CNTNAP5: variants seen among roughly 807,000 people sequenced by gnomAD.
The protein encoded by CNTNAP5 is contactin associated protein family member 5, also known as contactin-associated protein-like 5.
In CNTNAP5, 72 loss-of-function variants were observed where a neutral mutation model predicts 150.2. The ratio of observed to expected loss-of-function variants is 0.48; its 90% CI spans 0.40 to 0.58. The LOEUF (loss-of-function observed/expected upper bound fraction) is 0.58, where lower values mean the gene tolerates loss of function less well. CNTNAP5 is among the 20% of genes least tolerant of loss of function. The probability of loss-of-function intolerance (pLI) is 0.00; values close to 1 mark genes in which losing one functional copy is unlikely to be tolerated. For missense variants in CNTNAP5, 1,636 were observed against 1,626.2 expected, an observed-to-expected ratio of 1.01 and a Z score of -0.10; for synonymous variants, 672 against 619.8, an observed-to-expected ratio of 1.08 and a Z score of -1.25.
chr2:124,907,362 T>C (rs1678558401), intron 22 of CNTNAP5, among the ~76,000 whole-genome samples: 1 of 151,932 alleles, frequency 6.6e-6, no homozygotes, highest in South Asian at 2.1e-4. Flanking sequence ...GGAGTTCTTA[T>C]GGAATGTTAG....
rs538084421 is a variant in CNTNAP5 at position 124,561,698 on chromosome 2, T to C, written c.1650-1519T>C. On this transcript the variant is annotated intron_variant, in intron 10 of 23. Coordinates refer to ENST00000682447, the MANE Select transcript of CNTNAP5 (RefSeq NM_001367498.1). ...TGTCAGCACAATTGTATATTTGCTGTGCTGAGCAGAAAATTTCTAATATGT... is the reference window on the plus strand; with the variant it reads ...TGTCAGCACAATTGTATATTTGCTGCGCTGAGCAGAAAATTTCTAATATGT... 2.8e-4 allele frequency among the ~76,000 whole-genome samples: 42 copies of C among 152,232 alleles called. 1 individual carries two copies. The highest frequency in any genetic ancestry group is 6.5e-4 in the Admixed American group (10 of 15,276).
At chr2:124,097,706 C>T (rs1682967619) in intron 1 of CNTNAP5, among the ~76,000 whole-genome samples, 1 of 152,170 alleles carries the variant, frequency 6.6e-6, no homozygotes, top group African/African-American at 2.4e-5. Flanking sequence ...TGGGGGACTG[C>T]CCCAACCCGG....
intron 3 of CNTNAP5, among the ~76,000 whole-genome samples, chr2:124,329,411 C>T (rs1689295573): frequency 2.0e-5 from 3 of 152,046 alleles, no homozygotes. Context: ...GAGATAGCCC[C>T]TCAGAGAAAC....
chr2:124,264,019 GT>G (rs1687534946), intron 3 of CNTNAP5, among the ~76,000 whole-genome samples: 1 of 152,000 alleles, frequency 6.6e-6, no homozygotes, highest in East Asian at 1.9e-4. Context: ...CTCTGTTTTA[GT>G]ACCAGTACCA....
chr2:124,793,480 T>C (rs1476819576), intron 18 of CNTNAP5, among the ~76,000 whole-genome samples: 1 of 152,236 alleles, frequency 6.6e-6, no homozygotes, highest in Non-Finnish European at 1.5e-5. Context: ...TTCTATGGGC[T>C]GTATTTTGTC....
chr2:124,436,782 G>A (rs900656542), intron 5 of CNTNAP5, among the ~76,000 whole-genome samples: 1 of 152,104 alleles, frequency 6.6e-6, no homozygotes, highest in African/African-American at 2.4e-5. Flanking sequence ...ACTTGATGGA[G>A]GATTAAGTAG....
chr2:124,071,498 T>C (rs974992634), intron 1 of CNTNAP5, among the ~76,000 whole-genome samples: 1 of 151,776 alleles, frequency 6.6e-6, no homozygotes, highest in Admixed American at 6.6e-5. Flanking sequence ...ATAAATAAAA[T>C]TGGAGATGAA....
chr2:124,080,952 A>G (rs1246752974), intron 1 of CNTNAP5, among the ~76,000 whole-genome samples: 1 of 152,156 alleles, frequency 6.6e-6, no homozygotes, highest in Non-Finnish European at 1.5e-5. Context: ...GTTAGAGGTG[A>G]TTGAAGGATT....
At chr2:124,343,706 G>A (rs1421134032) in intron 3 of CNTNAP5, among the ~76,000 whole-genome samples, 1 of 152,134 alleles carries the variant, frequency 6.6e-6, no homozygotes, top group Admixed American at 6.6e-5. Flanking sequence ...AAGATACAAA[G>A]AACGTGTTTC....
intron 13 of CNTNAP5, among the ~76,000 whole-genome samples, chr2:124,649,503 T>A (rs1041400101): frequency 6.6e-6 from 1 of 152,182 alleles, no homozygotes; most frequent in East Asian, 1.9e-4. Context: ...ATTCTGACTA[T>A]GGGACTTCTT....
At chr2:124,716,426 T>C (rs1207212648) in intron 13 of CNTNAP5, among the ~76,000 whole-genome samples, 4 of 152,086 alleles carry the variant, frequency 2.6e-5, no homozygotes, top group African/African-American at 9.7e-5. Context: ...CACCTGCTTC[T>C]GTGAAACTGC....
chr2:124,667,095 A>G (rs1678717318), intron 13 of CNTNAP5, among the ~76,000 whole-genome samples: 2 of 152,210 alleles, frequency 1.3e-5, no homozygotes, highest in Non-Finnish European at 2.9e-5. Flanking sequence ...AGGACTTTAA[A>G]CATCTTGGTA....
At chr2:124,275,325 A>T (rs1470603099) in intron 3 of CNTNAP5, among the ~76,000 whole-genome samples, 1 of 152,084 alleles carries the variant, frequency 6.6e-6, no homozygotes, top group African/African-American at 2.4e-5. Flanking sequence ...CCTGGTAATG[A>T]GGTTGAGTTT....
chr2:124,356,893 C>A (rs574613969), intron 3 of CNTNAP5, among the ~76,000 whole-genome samples: 1 of 151,774 alleles, frequency 6.6e-6, no homozygotes, highest in Non-Finnish European at 1.5e-5. Context: ...CTGACTTCCA[C>A]AATGGTTGAA....
chr2:124,879,760 T>G (rs1677930148), intron 21 of CNTNAP5, among the ~76,000 whole-genome samples: 1 of 152,182 alleles, frequency 6.6e-6, no homozygotes, highest in Non-Finnish European at 1.5e-5. Context: ...TGATTTTCTT[T>G]GCCTGATATC....
intron 3 of CNTNAP5, among the ~76,000 whole-genome samples, chr2:124,400,409 A>T (rs779174398): frequency 2.0e-5 from 3 of 152,132 alleles, no homozygotes; most frequent in Non-Finnish European, 4.4e-5. Flanking sequence ...TGCACATAAG[A>T]ACATAAAGGC....
intron 1 of CNTNAP5, among the ~76,000 whole-genome samples, chr2:124,108,432 A>T (rs1414258678): frequency 6.6e-6 from 1 of 152,130 alleles, no homozygotes; most frequent in Non-Finnish European, 1.5e-5. Flanking sequence ...GGGACCATCA[A>T]TAGAAGACGA....
At chr2:124,107,933 T>C (rs1019952341) in intron 1 of CNTNAP5, among the ~76,000 whole-genome samples, 1 of 152,196 alleles carries the variant, frequency 6.6e-6, no homozygotes, top group Non-Finnish European at 1.5e-5. Flanking sequence ...GTTGGGGACT[T>C]CCAGGTCATA....
At chr2:124,405,283 G>T (rs974480116) in intron 3 of CNTNAP5, among the ~76,000 whole-genome samples, 1 of 152,180 alleles carries the variant, frequency 6.6e-6, no homozygotes, top group African/African-American at 2.4e-5. Flanking sequence ...CGGGAACAGG[G>T]TGTCTCTTTT....
Sources: gnomAD v4.1 joint callset for allele counts (sites outside exome capture counted in the v4.1 genomes callset) on GRCh38, gnomAD v4.1.1 for gene constraint, MANE v1.5 for transcripts, NCBI Gene and HGNC (gene_info 2026-07-23, HGNC 2026-07-21) for gene names.